Variants in SHROOM3 observed in about 807,000 individuals in gnomAD.
SHROOM3 encodes the protein protein Shroom3.
In SHROOM3, 47 loss-of-function variants were observed where a neutral mutation model predicts 138.6. That is an observed-to-expected ratio of 0.34 (90% CI 0.27 to 0.43). The LOEUF is 0.43. Ranked by LOEUF, SHROOM3 falls within the 20% of genes least tolerant of loss-of-function variation. The probability of loss-of-function intolerance (pLI) is 1.00; values close to 1 mark genes in which losing one functional copy is unlikely to be tolerated. For missense variants in SHROOM3, 2,491 were observed against 2,596.5 expected, an observed-to-expected ratio of 0.96 and a Z score of 0.88; for synonymous variants, 1,062 against 1,063.3, an observed-to-expected ratio of 1.00 and a Z score of 0.02.
intron 1 of SHROOM3, among the ~76,000 whole-genome samples, chr4:76,467,553 G>A (rs140924873): frequency 2.5e-4 from 38 of 152,244 alleles, no homozygotes; most frequent in Non-Finnish European, 1.5e-4. Flanking sequence ...GCTAAATAAT[G>A]AAGTACATAC....
intron 6 of SHROOM3, among the ~76,000 whole-genome samples, chr4:76,749,316 A>G (rs1405717022): frequency 6.6e-6 from 1 of 152,142 alleles, no homozygotes; most frequent in African/African-American, 2.4e-5. Flanking sequence ...TACATGTGCC[A>G]TGTTGGTGTG....
At chr4:76,759,811 C>T (rs1448026519) in intron 9 of SHROOM3, 116 bp downstream of exon 9, 2 of 1,124,304 alleles carry the variant, frequency 1.8e-6, no homozygotes, top group Admixed American at 4.0e-5. Flanking sequence ...CCTGTCACAT[C>T]ACCAGATTGC....
intron 2 of SHROOM3, among the ~76,000 whole-genome samples, chr4:76,657,615 G>A (rs892918999): frequency 8.5e-5 from 13 of 152,230 alleles, no homozygotes; most frequent in Non-Finnish European, 4.4e-5. Flanking sequence ...CAAATAGTGA[G>A]GGTGCTGCTG....
At chr4:76,468,366 A>T (rs1349373871) in intron 1 of SHROOM3, among the ~76,000 whole-genome samples, 1 of 152,182 alleles carries the variant, frequency 6.6e-6, no homozygotes, top group Non-Finnish European at 1.5e-5. Flanking sequence ...AGAAATACTC[A>T]ATGTACACAG....
chr4:76,489,501 T>C (rs1731805484), intron 1 of SHROOM3, among the ~76,000 whole-genome samples: 1 of 152,226 alleles, frequency 6.6e-6, no homozygotes, highest in South Asian at 2.1e-4. Context: ...CCACTTCTTT[T>C]TTCTTTCTGC....
chr4:76,631,946 C>T (rs1026084473), intron 2 of SHROOM3, among the ~76,000 whole-genome samples: 5 of 152,014 alleles, frequency 3.3e-5, no homozygotes, highest in East Asian at 3.9e-4. Context: ...TGGGACTGAT[C>T]GGATCAACTG....
At chr4:76,512,768 G>A (rs1046031113) in intron 1 of SHROOM3, among the ~76,000 whole-genome samples, 1 of 152,192 alleles carries the variant, frequency 6.6e-6, no homozygotes. Flanking sequence ...TGCTCCCACG[G>A]AGGGACAGTT....
At chr4:76,436,344 T>TTAA in intron 1 of SHROOM3, 124 bp downstream of exon 1, 1 of 1,080,268 alleles carries the variant, frequency 9.3e-7, no homozygotes, top group South Asian at 1.4e-5. Context: ...CATGCCTTTC[T>TTAA]GATTATCTAG....
At chr4:76,567,514 G>A (rs140506140) in intron 2 of SHROOM3, among the ~76,000 whole-genome samples, 4 of 152,122 alleles carry the variant, frequency 2.6e-5, no homozygotes, top group Non-Finnish European at 5.9e-5. Flanking sequence ...GCCGGGCGTC[G>A]TGGTGAGCGC....
intron 1 of SHROOM3, among the ~76,000 whole-genome samples, chr4:76,535,011 C>T (rs147687319): frequency 5.4e-4 from 82 of 152,300 alleles, no homozygotes; most frequent in African/African-American, 1.8e-3. Flanking sequence ...CCCCTTCCTT[C>T]CAAAAGATCA....
Position 76,608,668 on chromosome 4 carries a change from C to CATAGCATAGCATAGCATAGCAT in SHROOM3, c.323+52906_323+52907insTAGCATAGCATAGCATAGCATA, listed in dbSNP as rs1734691678. 3.3e-4 allele frequency among the ~76,000 whole-genome samples: 31 copies of CATAGCATAGCATAGCATAGCAT among 94,396 alleles called. 2 individuals carry two copies. Among genetic ancestry groups the CATAGCATAGCATAGCATAGCAT allele is most frequent in the African/African-American group, 1.1e-3 (30 of 28,532 alleles). The allele number at this position is 94,396 out of a possible 152,430, so 61.9% of individuals were successfully genotyped here. A position where few individuals can be genotyped will look rare whatever the true frequency, so the allele number is the denominator to read the frequency against. The stretch of plus-strand genomic sequence containing the variant: ...TAGCATAGCATAGCATAGCATAGCA[C>CATAGCATAGCATAGCATAGCAT]AGCATAGCACAGCACAGCACAGCAC... On this transcript the variant is annotated intron_variant, in intron 2 of 10. Coordinates refer to ENST00000296043, the MANE Select transcript of SHROOM3 (RefSeq NM_020859.4).
At chr4:76,690,817 A>T (rs1719507786) in intron 2 of SHROOM3, among the ~76,000 whole-genome samples, 1 of 152,126 alleles carries the variant, frequency 6.6e-6, no homozygotes, top group Non-Finnish European at 1.5e-5. Context: ...TTTTCACAGA[A>T]TCCTAGTCAT....
chr4:76,533,342 CTA>C (rs1732872247), intron 1 of SHROOM3, among the ~76,000 whole-genome samples: 1 of 152,158 alleles, frequency 6.6e-6, no homozygotes, highest in African/African-American at 2.4e-5. Flanking sequence ...GGTGGCAAGA[CTA>C]TCTGTAAAAG....
At chr4:76,591,288 G>T (rs1343349626) in intron 2 of SHROOM3, among the ~76,000 whole-genome samples, 1 of 152,190 alleles carries the variant, frequency 6.6e-6, no homozygotes, top group Admixed American at 6.5e-5. Flanking sequence ...TGTTAAGGAG[G>T]TTAAATATAA....
At chr4:76,732,381 T>C (rs1720914878) in intron 4 of SHROOM3, among the ~76,000 whole-genome samples, 1 of 152,158 alleles carries the variant, frequency 6.6e-6, no homozygotes, top group African/African-American at 2.4e-5. Context: ...TCATGTCTGG[T>C]CAAGTCAAGG....
chr4:76,605,557 GAAAT>G (rs935302749), intron 2 of SHROOM3, among the ~76,000 whole-genome samples: 1 of 151,856 alleles, frequency 6.6e-6, no homozygotes, highest in African/African-American at 2.4e-5. Context: ...TCCTATTTAA[GAAAT>G]AAATAGCAAA....
intron 2 of SHROOM3, among the ~76,000 whole-genome samples, chr4:76,685,153 T>TG (rs1283309947): frequency 6.6e-6 from 1 of 152,228 alleles, no homozygotes; most frequent in Non-Finnish European, 1.5e-5. Context: ...AGTGTGTTCT[T>TG]TCTTTGTAGT....
At chr4:76,450,658 A>G (rs990035674) in intron 1 of SHROOM3, among the ~76,000 whole-genome samples, 1 of 152,240 alleles carries the variant, frequency 6.6e-6, no homozygotes, top group African/African-American at 2.4e-5. Flanking sequence ...AGATACCCAG[A>G]AAAGGCAATT....
chr4:76,693,241 G>A (rs1415684716), intron 2 of SHROOM3, among the ~76,000 whole-genome samples: 6 of 152,032 alleles, frequency 3.9e-5, no homozygotes, highest in Admixed American at 3.9e-4. Flanking sequence ...AATATAATAT[G>A]TGATTTTGGA....
Sources: allele counts gnomAD v4.1 joint callset (sites outside exome capture counted in the v4.1 genomes callset), GRCh38; gene constraint gnomAD v4.1.1; transcripts MANE v1.5; gene names NCBI Gene and HGNC (gene_info 2026-07-23, HGNC 2026-07-21).